Variants in YIPF7 observed in about 807,000 individuals in gnomAD.
YIPF7 encodes the protein protein YIPF7.
Under a neutral mutation model 27.2 loss-of-function variants are expected in YIPF7, and 35 were observed. The observed-to-expected ratio is 1.29, with a 90% CI of 0.98 to 1.70. The LOEUF (loss-of-function observed/expected upper bound fraction) is 1.70, where lower values mean the gene tolerates loss of function less well. YIPF7 is among the 40% of genes most tolerant of loss of function. The pLI, the probability that YIPF7 is intolerant of heterozygous loss-of-function variation, is 0.00. For missense variants in YIPF7, 358 were observed against 303.7 expected, an observed-to-expected ratio of 1.18 and a Z score of -1.33; for synonymous variants, 137 against 110.4, an observed-to-expected ratio of 1.24 and a Z score of -1.51.
At chr4:44,656,949 T>C (rs1713917914) in intron 2 of YIPF7, among the ~76,000 whole-genome samples, 1 of 152,212 alleles carries the variant, frequency 6.6e-6, no homozygotes, top group Admixed American at 6.5e-5. Context: ...GACGTATGTT[T>C]ATGTTGACCA....
intron 4 of YIPF7, 30 bp downstream of exon 4, chr4:44,629,373 T>C (rs1173235904): frequency 6.4e-7 from 1 of 1,558,174 alleles, no homozygotes; most frequent in African/African-American, 1.4e-5. Flanking sequence ...GGACAAGCAT[T>C]AAAATCTGGT....
intron 1 of YIPF7, among the ~76,000 whole-genome samples, chr4:44,661,381 G>A (rs1010028945): frequency 6.6e-6 from 1 of 152,158 alleles, no homozygotes; most frequent in Non-Finnish European, 1.5e-5. Flanking sequence ...ACCACACAGG[G>A]GGTCTAACGT....
chr4:44,622,230 A>G lies in YIPF7; in HGVS notation c.*184T>C. ...AATGTTTTAATGCACCAAACTCAAAAGCAAAACATCATTCAAACCAACAGG... is the reference window on the plus strand; with the variant it reads ...AATGTTTTAATGCACCAAACTCAAAGGCAAAACATCATTCAAACCAACAGG... On this transcript the variant is annotated 3_prime_UTR_variant, in exon 6 of 6. Transcript: ENST00000415895. 9.7e-6 allele frequency: 7 copies of G among 721,606 alleles called. 1 individual carries two copies. The South Asian group carries it at 1.5e-4, about 16-fold the overall frequency. 44.7% of individuals were successfully genotyped at this position (721,606 alleles called of 1,614,324 possible).
rs764598281 is a variant in YIPF7, at chr4:44,624,763, C to G, written c.446G>C (p.Gly149Ala). 43 of 1,608,904 alleles carry G rather than the reference C, an allele frequency of 2.7e-5. No individual in the cohort carries two copies. The highest frequency in any genetic ancestry group is 3.6e-5 in the Non-Finnish European group (42 of 1,178,166). ...AATGGCACTCATGCCATACACATAA[C>G]CAAACTGAACTTTTCCTGCCTGAAA... ...TLLLAGKVQF[G>A]YVYGMSAIGC... The change falls in exon 5 of 6, where the codon GGT becomes GCT. Residue 149 changes from glycine (G) to alanine (A), a missense_variant. Physicochemically the swap from Gly to Ala is moderately conservative, Grantham distance 60. Coordinates refer to ENST00000415895, the MANE Select transcript of YIPF7 (RefSeq NM_182592.3).
chr4:44,635,953 G>A lies in YIPF7; in HGVS notation c.249C>T (p.Asp83=), dbSNP rs1713102758. ...GCAAAGGAGGCTCTTCATCAAAACT[G>A]TCAATGTAAGGAGATTGTGAATAAT... ...SDYYSQSPYI[D]SFDEEPPLLE... Residue 83 remains aspartate (D), a synonymous_variant, in exon 3 of 6, where the codon GAC becomes GAT. Transcript: ENST00000415895. The A allele has an allele frequency of 2.5e-6, 4 of 1,613,700 alleles. No homozygotes were observed. Among genetic ancestry groups the A allele is most frequent in the Non-Finnish European group, 3.4e-6 (4 of 1,179,802 alleles).
chr4:44,660,137 C>A (rs1238543083), intron 2 of YIPF7, among the ~76,000 whole-genome samples: 408 of 38,098 alleles, frequency 0.011, no homozygotes, highest in Non-Finnish European at 0.017. Flanking sequence ...AAAAAAAAAA[C>A]GAACCTTACA....
At chr4:44,659,074 G>C (rs1713976879) in intron 2 of YIPF7, among the ~76,000 whole-genome samples, 1 of 152,194 alleles carries the variant, frequency 6.6e-6, no homozygotes, top group African/African-American at 2.4e-5. Flanking sequence ...CTGTTTGCCT[G>C]GGTTTATCTG....
At chr4:44,628,827 G>A (rs1712765599) in intron 4 of YIPF7, among the ~76,000 whole-genome samples, 1 of 152,052 alleles carries the variant, frequency 6.6e-6, no homozygotes, top group South Asian at 2.1e-4. Context: ...GTGAAGTCAG[G>A]GAACAAATGT....
chr4:44,638,023 T>A (rs1713188092), intron 2 of YIPF7, among the ~76,000 whole-genome samples: 1 of 151,670 alleles, frequency 6.6e-6, no homozygotes, highest in Admixed American at 6.6e-5. Context: ...CATCAAAAAG[T>A]GGGGTAAGGA....
chr4:44,637,589 T>TC (rs1713173096), intron 2 of YIPF7, among the ~76,000 whole-genome samples: 9 of 152,122 alleles, frequency 5.9e-5, no homozygotes. Context: ...TTTTTCTTTT[T>TC]TAAAAAAATT....
intron 2 of YIPF7, among the ~76,000 whole-genome samples, chr4:44,647,029 T>C (rs1416210230): frequency 1.3e-5 from 2 of 152,198 alleles, no homozygotes; most frequent in East Asian, 1.9e-4. Flanking sequence ...ATGTTTTACG[T>C]ACCTCATAAA....
At chr4:44,643,713 C>T (rs1004977823) in intron 2 of YIPF7, among the ~76,000 whole-genome samples, 6 of 152,128 alleles carry the variant, frequency 3.9e-5, no homozygotes, top group Non-Finnish European at 8.8e-5. Flanking sequence ...TGCATTCTGG[C>T]CACTCCAGCT....
At chr4:44,644,748 AG>A (rs1299982415) in intron 2 of YIPF7, among the ~76,000 whole-genome samples, 1 of 152,134 alleles carries the variant, frequency 6.6e-6, no homozygotes, top group Non-Finnish European at 1.5e-5. Context: ...GGGAGGGTCC[AG>A]GGGTACAAGG....
At chr4:44,628,164 G>A (rs1240961495) in intron 4 of YIPF7, among the ~76,000 whole-genome samples, 1 of 152,118 alleles carries the variant, frequency 6.6e-6, no homozygotes, top group Non-Finnish European at 1.5e-5. Flanking sequence ...AGGGAGGTTA[G>A]AGACTAAATT....
chr4:44,654,900 C>G (rs1186314762), upstream of YIPF7, among the ~76,000 whole-genome samples: 1 of 152,000 alleles, frequency 6.6e-6, no homozygotes, highest in African/African-American at 2.4e-5. Flanking sequence ...ATCACTTTTA[C>G]AGTAGCAGAT....
At chr4:44,628,838 CT>C (rs1011809058) in intron 4 of YIPF7, among the ~76,000 whole-genome samples, 1 of 152,028 alleles carries the variant, frequency 6.6e-6, no homozygotes, top group Non-Finnish European at 1.5e-5. Flanking sequence ...GAACAAATGT[CT>C]TCATAAAAGG....
intron 2 of YIPF7, among the ~76,000 whole-genome samples, chr4:44,657,488 C>T (rs372346644): frequency 8.5e-5 from 13 of 152,300 alleles, no homozygotes; most frequent in African/African-American, 3.1e-4. Flanking sequence ...AGTTGTCTCA[C>T]AATCCCAGCA....
At position 44,658,334 on chromosome 4, in the gene YIPF7, G is replaced by T. The variant is rs183042168; in HGVS notation, c.-2+2115C>A. 1.9e-4 allele frequency among the ~76,000 whole-genome samples: 29 copies of T among 152,242 alleles called. 1 individual carries two copies. The highest frequency in any genetic ancestry group is 1.8e-3 in the Admixed American group (28 of 15,284). ...GCAACCTGGAAGAGGGCCCACATCA[G>T]AACTCCACTATGCTGGCACCCTGAT... On this transcript the variant is annotated intron_variant, in intron 2 of 2. Coordinates refer to the YIPF7 transcript ENST00000508947.
upstream of YIPF7, among the ~76,000 whole-genome samples, chr4:44,654,096 C>A (rs1713819718): frequency 6.6e-6 from 1 of 151,946 alleles, no homozygotes; most frequent in Non-Finnish European, 1.5e-5. Context: ...ATGACTTCAG[C>A]CTCTTTAGAA....
Sources: allele counts gnomAD v4.1 joint callset (sites outside exome capture counted in the v4.1 genomes callset), GRCh38; gene constraint gnomAD v4.1.1; transcripts MANE v1.5; gene names NCBI Gene and HGNC (gene_info 2026-07-23, HGNC 2026-07-21).